TAB2: variants seen among roughly 807,000 people sequenced by gnomAD.
TAB2 encodes TGF-beta activated kinase 1 (MAP3K7) binding protein 2.
Under a neutral mutation model 65.0 loss-of-function variants are expected in TAB2, and 3 were observed. The observed-to-expected ratio is 0.05, with a 90% CI of 0.02 to 0.12. The LOEUF is 0.12. Ranked by LOEUF, TAB2 falls within the 10% of genes least tolerant of loss-of-function variation. TAB2 has a pLI of 1.00. For missense variants in TAB2, 623 were observed against 840.3 expected (o/e 0.74, Z 3.20); for synonymous variants, 298 against 285.1 (o/e 1.05, Z -0.46).
chr6:149,265,422 G>A (rs901890177), intron 1 of TAB2, among the ~76,000 whole-genome samples: 1 of 151,976 alleles, frequency 6.6e-6, no homozygotes, highest in African/African-American at 2.4e-5. Context: ...ATTTTGCTGC[G>A]GCCTTTCTCA....
intron 1 of TAB2, among the ~76,000 whole-genome samples, chr6:149,346,030 A>G (rs565389499): frequency 2.7e-4 from 41 of 152,316 alleles, no homozygotes; most frequent in Non-Finnish European, 4.4e-4. Context: ...ACACACTGGG[A>G]TGACCATTCT....
chr6:149,410,106 CT>C lies in TAB2; in HGVS notation c.*390del, dbSNP rs1174418016. The C allele has an allele frequency of 3.4e-5, 9 of 265,816 alleles. No individual in the cohort carries two copies. Among genetic ancestry groups the C allele is most frequent in the Non-Finnish European group, 7.3e-6 (1 of 136,824 alleles). 16.5% of individuals were successfully genotyped at this position (265,816 alleles called of 1,614,324 possible). On this transcript the variant is annotated 3_prime_UTR_variant, in exon 7 of 7. Transcript: ENST00000637181. ...ATGATAGCTTGTTTTATTTGTAAAG[CT>C]TTCAGTGAAACACTACATACACGAA...
chr6:149,248,554 C>T (rs79737055), intron 1 of TAB2, among the ~76,000 whole-genome samples: 2,498 of 152,170 alleles, frequency 0.016, 83 homozygotes, highest in African/African-American at 0.058. Flanking sequence ...GAAAATTGTT[C>T]ACATCTGAGT....
At chr6:149,365,326 A>C (rs997045001) in intron 1 of TAB2, among the ~76,000 whole-genome samples, 1 of 152,206 alleles carries the variant, frequency 6.6e-6, no homozygotes, top group Non-Finnish European at 1.5e-5. Flanking sequence ...TGTCCTTACA[A>C]ATGACTTACT....
intron 1 of TAB2, among the ~76,000 whole-genome samples, chr6:149,295,397 T>C (rs770068874): frequency 3.3e-5 from 5 of 152,234 alleles, no homozygotes; most frequent in African/African-American, 4.8e-5. Flanking sequence ...TTACTGGTCA[T>C]CTGTAATCTG....
chr6:149,400,409 C>T (rs542559551), intron 6 of TAB2: 4 of 1,614,158 alleles, frequency 2.5e-6, no homozygotes, highest in South Asian at 1.1e-5. Flanking sequence ...ACGAAAAGCC[C>T]ACAGAAGAAG....
intron 1 of TAB2, among the ~76,000 whole-genome samples, chr6:149,297,909 C>T (rs1169308777): frequency 1.3e-5 from 2 of 152,008 alleles, no homozygotes; most frequent in East Asian, 3.8e-4. Flanking sequence ...GATATTTCTG[C>T]TTAGTATTTT....
At position 149,410,069 on chromosome 6, in the gene TAB2, G is replaced by A; in HGVS notation, c.*350G>A. On this transcript the variant is annotated 3_prime_UTR_variant, in exon 7 of 7. Transcript: ENST00000637181. ...ATGTCACTACTGAATTTTGACAGGA[G>A]GAAGGAATAGAATGATAGCTTGTTT... The A allele has an allele frequency of 6.5e-6, 2 of 309,962 alleles. No homozygotes were observed. Among genetic ancestry groups the A allele is most frequent in the Non-Finnish European group, 1.2e-5 (2 of 163,618 alleles). 19.2% of individuals were successfully genotyped at this position (309,962 alleles called of 1,614,324 possible).
intron 1 of TAB2, among the ~76,000 whole-genome samples, chr6:149,365,194 A>T (rs1048373253): frequency 6.6e-6 from 1 of 152,190 alleles, no homozygotes; most frequent in Admixed American, 6.5e-5. Flanking sequence ...TTGCATCTTA[A>T]CATAGGAAAT....
At chr6:149,316,059 A>G (rs1167315815), upstream of TAB2, among the ~76,000 whole-genome samples, 1 of 152,194 alleles carries the variant, frequency 6.6e-6, no homozygotes, top group Non-Finnish European at 1.5e-5. Flanking sequence ...ATCTAAAATT[A>G]TTTAATCAAT....
chr6:149,385,685 T>C (rs1781768596), intron 3 of TAB2, among the ~76,000 whole-genome samples: 1 of 152,202 alleles, frequency 6.6e-6, no homozygotes, highest in South Asian at 2.1e-4. Context: ...CTCCAAAGGT[T>C]ATCCAGTCCA....
intron 1 of TAB2, among the ~76,000 whole-genome samples, chr6:149,262,800 T>C (rs1450135983): frequency 6.6e-6 from 1 of 152,034 alleles, no homozygotes; most frequent in African/African-American, 2.4e-5. Flanking sequence ...TTTTTTTCCT[T>C]TTTCTTTTTT....
intron 1 of TAB2, among the ~76,000 whole-genome samples, chr6:149,366,636 C>T (rs750005811): frequency 6.6e-6 from 1 of 152,092 alleles, no homozygotes; most frequent in African/African-American, 2.4e-5. Context: ...TTCCCTCCAC[C>T]AATTTGTTTC....
At chr6:149,282,409 A>G (rs1778591493) in intron 1 of TAB2, among the ~76,000 whole-genome samples, 1 of 152,046 alleles carries the variant, frequency 6.6e-6, no homozygotes, top group Non-Finnish European at 1.5e-5. Flanking sequence ...AAACTATCAC[A>G]TATATTTATA....
intron 1 of TAB2, among the ~76,000 whole-genome samples, chr6:149,344,655 G>A (rs1349315455): frequency 2.6e-5 from 4 of 152,228 alleles, no homozygotes; most frequent in East Asian, 1.9e-4. Flanking sequence ...ATGGGAATCC[G>A]TTGAAGATTT....
At chr6:149,311,177 A>G (rs1452908786) in intron 1 of TAB2, among the ~76,000 whole-genome samples, 4 of 152,142 alleles carry the variant, frequency 2.6e-5, no homozygotes, top group African/African-American at 9.7e-5. Flanking sequence ...TCCCACCACT[A>G]TCCTACATTT....
intron 1 of TAB2, among the ~76,000 whole-genome samples, chr6:149,256,263 T>G (rs1351327100): frequency 6.6e-6 from 1 of 152,200 alleles, no homozygotes; most frequent in Non-Finnish European, 1.5e-5. Flanking sequence ...ACACAGTAAT[T>G]CTGTTGTACT....
chr6:149,392,990 T>C (rs550565044), intron 3 of TAB2, among the ~76,000 whole-genome samples: 6,465 of 152,256 alleles, frequency 0.042, 464 homozygotes, highest in African/African-American at 0.15. Context: ...TTTACAGCGA[T>C]TTTTAGAAAT....
chr6:149,305,900 C>A (rs147166994), intron 1 of TAB2, among the ~76,000 whole-genome samples: 266 of 152,284 alleles, frequency 1.7e-3, no homozygotes, highest in African/African-American at 5.1e-3. Context: ...TTTGTGAATT[C>A]TTCTAGTCAG....
Sources: gnomAD v4.1 joint callset for allele counts (sites outside exome capture counted in the v4.1 genomes callset) on GRCh38, gnomAD v4.1.1 for gene constraint, MANE v1.5 for transcripts, NCBI Gene and HGNC (gene_info 2026-07-23, HGNC 2026-07-21) for gene names.